UBE2J1: variants seen among roughly 807,000 people sequenced by gnomAD.
The protein encoded by UBE2J1 is ubiquitin-conjugating enzyme E2 J1.
A neutral mutation model predicts 42.1 loss-of-function variants in UBE2J1; 17 were observed. The observed-to-expected ratio is 0.40, with a 90% confidence interval of 0.28 to 0.61. UBE2J1 has a LOEUF of 0.61. Among genes scored for constraint, UBE2J1 ranks in the 20% least tolerant of loss-of-function variants. UBE2J1 has a pLI of 0.38. For missense variants in UBE2J1, 291 were observed against 389.4 expected (o/e 0.75, Z 2.13); for synonymous variants, 127 against 137.2 (o/e 0.93, Z 0.52).
chr6:89,340,917 A>G (rs1768235200), intron 3 of UBE2J1, among the ~76,000 whole-genome samples: 1 of 151,468 alleles, frequency 6.6e-6, no homozygotes, highest in Non-Finnish European at 1.5e-5. Flanking sequence ...CTGGGACTAC[A>G]GGCGCCCGCC....
intron 2 of UBE2J1, among the ~76,000 whole-genome samples, chr6:89,342,981 AC>A (rs1195841315): frequency 6.6e-6 from 1 of 152,150 alleles, no homozygotes; most frequent in African/African-American, 2.4e-5. Context: ...TACCATGAAA[AC>A]CTGCCTGGGT....
chr6:89,340,688 TAAAC>T (rs1217896540), intron 3 of UBE2J1, among the ~76,000 whole-genome samples: 2 of 152,222 alleles, frequency 1.3e-5, no homozygotes, highest in Non-Finnish European at 2.9e-5. Context: ...TATTGGCTCT[TAAAC>T]AAATGTTCTC....
chr6:89,343,434 CAAAA>C (rs58981898), intron 2 of UBE2J1, among the ~76,000 whole-genome samples: 6 of 81,038 alleles, frequency 7.4e-5, no homozygotes, highest in African/African-American at 4.9e-5. Context: ...GACTCCGCCT[CAAAA>C]AAAAAAAAAA....
At chr6:89,339,485 AGAGGGGATGGGG>A in intron 3 of UBE2J1, among the ~76,000 whole-genome samples, 1 of 1,578 alleles carries the variant, frequency 6.3e-4, no homozygotes, top group African/African-American at 3.0e-3. Flanking sequence ...AGGGGGGAGG[AGAGGGGATGGGG>A]GAGGAGAGAG....
At chr6:89,336,845 G>GT (rs1031318909) in intron 5 of UBE2J1, among the ~76,000 whole-genome samples, 1,559 of 142,564 alleles carry the variant, frequency 0.011, 37 homozygotes, top group Admixed American at 0.067. Context: ...AAAAATCTTT[G>GT]TTTTTTTTTT....
intron 1 of UBE2J1, among the ~76,000 whole-genome samples, chr6:89,347,081 A>G (rs1261231500): frequency 6.6e-6 from 1 of 152,250 alleles, no homozygotes; most frequent in Non-Finnish European, 1.5e-5. Flanking sequence ...CTTCATTCAA[A>G]GAAAGCTTAA....
At chr6:89,349,137 A>G (rs895690829) in intron 1 of UBE2J1, among the ~76,000 whole-genome samples, 2 of 152,124 alleles carry the variant, frequency 1.3e-5, no homozygotes, top group African/African-American at 4.8e-5. Flanking sequence ...CTCGGGAGGC[A>G]GAGGTGGAAG....
chr6:89,331,053 G>A (rs1768000486), intron 7 of UBE2J1, among the ~76,000 whole-genome samples: 1 of 152,126 alleles, frequency 6.6e-6, no homozygotes, highest in Admixed American at 6.5e-5. Context: ...AGCAACAGAT[G>A]GCCTGATGTT....
rs759087242 is a variant in UBE2J1 at position 89,342,360 on chromosome 6, C to T, written c.201G>A (p.Glu67=). The change falls in exon 3 of 8, where the codon GAG becomes GAA. Residue 67 remains glutamate, a synonymous_variant. Transcript: ENST00000435041. ...VYHGRIVLPP[E]YPMKPPSIIL... Reference sequence around the variant, plus strand: ...TAATGCTTGGTGGTTTCATGGGATACTCTGGTGGCAGTACTATCCGCCCGT... The same window carrying T: ...TAATGCTTGGTGGTTTCATGGGATATTCTGGTGGCAGTACTATCCGCCCGT... 3.7e-6 allele frequency: 6 copies of T among 1,614,040 alleles called. No individual in the cohort carries two copies. Among genetic ancestry groups the T allele is most frequent in the African/African-American group, 1.3e-5 (1 of 75,020 alleles).
rs764981521 is a variant in UBE2J1 at position 89,329,837 on chromosome 6, T to G, written c.799A>C (p.Thr267Pro). The G allele has an allele frequency of 6.2e-7, 1 of 1,614,110 alleles. No homozygotes were observed. Among genetic ancestry groups the G allele is most frequent in the South Asian group, 1.1e-5 (1 of 91,086 alleles). Reference sequence around the variant, plus strand: ...TGGCCCTGGATTACATCTGGTGAAGTAGACAACCTTCTCTGACTCTGCTGC... The same window carrying G: ...TGGCCCTGGATTACATCTGGTGAAGGAGACAACCTTCTCTGACTCTGCTGC... ...AQQQSQRRLS[T>P]SPDVIQGHQP... The change falls in exon 8 of 8, where the codon ACT becomes CCT. Residue 267 changes from threonine (T) to proline (P), a missense_variant. By Grantham distance (38) the Thr-to-Pro change is conservative. Coordinates refer to ENST00000435041, the MANE Select transcript of UBE2J1 (RefSeq NM_016021.3).
intron 6 of UBE2J1, among the ~76,000 whole-genome samples, chr6:89,334,960 C>T (rs1319981866): frequency 1.3e-5 from 2 of 152,270 alleles, no homozygotes; most frequent in South Asian, 2.1e-4. Flanking sequence ...ATATGTCTGA[C>T]ATCATACTAC....
chr6:89,338,813 C>T lies in UBE2J1; in HGVS notation c.238-270G>A, dbSNP rs952205318. Among the ~76,000 whole-genome samples, 14 of 151,632 alleles carry T rather than the reference C, an allele frequency of 9.2e-5. 1 individual carries two copies. The highest frequency in any genetic ancestry group is 4.2e-4 in the South Asian group (2 of 4,788). ...CCCAAGTAGCTGGAACTACAGGCGC[C>T]TGCCACCAGGCCTGGCTAATGTTTT... On this transcript the variant is annotated intron_variant, in intron 3 of 7. Coordinates refer to ENST00000435041, the MANE Select transcript of UBE2J1 (RefSeq NM_016021.3).
chr6:89,331,724 T>C (rs1417428435), intron 7 of UBE2J1, among the ~76,000 whole-genome samples: 1 of 152,088 alleles, frequency 6.6e-6, no homozygotes, highest in South Asian at 2.1e-4. Context: ...TTAACATAGA[T>C]TGAAAATACA....
chr6:89,349,362 G>T (rs1032925605), intron 1 of UBE2J1, among the ~76,000 whole-genome samples: 1 of 152,192 alleles, frequency 6.6e-6, no homozygotes, highest in African/African-American at 2.4e-5. Context: ...CTATCAGAAA[G>T]CTACTGAAAA....
chr6:89,340,920 C>T (rs571445623), intron 3 of UBE2J1, among the ~76,000 whole-genome samples: 2 of 151,566 alleles, frequency 1.3e-5, no homozygotes, highest in Admixed American at 6.6e-5. Context: ...GGACTACAGG[C>T]GCCCGCCACC....
At chr6:89,345,261 A>G (rs531016154) in intron 1 of UBE2J1, among the ~76,000 whole-genome samples, 1 of 152,350 alleles carries the variant, frequency 6.6e-6, no homozygotes, top group Non-Finnish European at 1.5e-5. Context: ...GAACCCCTAC[A>G]TGTATATAAC....
rs543871970 is a variant in UBE2J1 at position 89,331,966 on chromosome 6, A to C, written c.678+1120T>G. ...ATTGGGATCACACAAAAATGATTTA[A>C]ACTCATCGCTACACACTTTTTTCTT... On this transcript the variant is annotated intron_variant, in intron 7 of 7. Transcript: ENST00000435041. Among the ~76,000 whole-genome samples, 35 of 152,308 alleles carry C rather than the reference A, an allele frequency of 2.3e-4. No individual in the cohort carries two copies. In the South Asian group the frequency reaches 6.6e-3, roughly 29 times the overall value.
intron 3 of UBE2J1, among the ~76,000 whole-genome samples, chr6:89,341,444 A>G (rs747255035): frequency 6.6e-6 from 1 of 152,242 alleles, no homozygotes; most frequent in African/African-American, 2.4e-5. Flanking sequence ...AATTAGATCA[A>G]TAGTTTTCCT....
chr6:89,342,410 A>G lies in UBE2J1; in HGVS notation c.151T>C (p.Ser51Pro). Residue 51 changes from serine to proline, a missense_variant, in exon 3 of 8, where the codon TCC (serine) becomes CCC (proline). Physicochemically the swap from Ser to Pro is moderately conservative, Grantham distance 74. Transcript: ENST00000435041. Reference protein sequence around the residue: ...WHFTVRGPPDSDFDGGVYHGR... With the variant: ...WHFTVRGPPDPDFDGGVYHGR... ...TGATAAACTCCTCCATCAAAATCGG[A>G]GTCTGGGGGCCCTCTAACCGTGAAG... is the stretch of plus-strand genomic sequence containing the variant. 1 of 1,613,388 alleles carries G rather than the reference A, an allele frequency of 6.2e-7. No individual in the cohort carries two copies. Among genetic ancestry groups the G allele is most frequent in the Non-Finnish European group, 8.5e-7 (1 of 1,179,824 alleles).
Sources: allele counts gnomAD v4.1 joint callset (sites outside exome capture counted in the v4.1 genomes callset), GRCh38; gene constraint gnomAD v4.1.1; transcripts MANE v1.5; gene names NCBI Gene and HGNC (gene_info 2026-07-23, HGNC 2026-07-21).